Variants in OMA1 observed in about 807,000 individuals in gnomAD.
OMA1 encodes metalloendopeptidase OMA1, mitochondrial.
OMA1 carries 38 observed loss-of-function variants against 30.9 expected under a neutral mutation model. That is an observed-to-expected ratio of 1.23 (90% CI 0.95 to 1.61). OMA1 has a LOEUF of 1.61. OMA1 is among the 40% of genes most tolerant of loss of function. OMA1 has a pLI of 0.00. For missense variants in OMA1, 461 were observed against 349.2 expected (o/e 1.32, Z -2.55); for synonymous variants, 173 against 121.9 (o/e 1.42, Z -2.76).
At chr1:58,529,885 TTTTA>T (rs1271730488) in intron 6 of OMA1, among the ~76,000 whole-genome samples, 1 of 152,088 alleles carries the variant, frequency 6.6e-6, no homozygotes, top group Non-Finnish European at 1.5e-5. Flanking sequence ...TTATTTTTAT[TTTTA>T]TTTTTTTTTG....
chr1:58,529,289 A>C (rs962627074), intron 6 of OMA1, among the ~76,000 whole-genome samples: 6 of 152,220 alleles, frequency 3.9e-5, no homozygotes, highest in Non-Finnish European at 7.3e-5. Context: ...AACTCCACAA[A>C]TCATTAAATA....
chr1:58,534,724 C>A (rs2100483504), intron 3 of OMA1, among the ~76,000 whole-genome samples: 1 of 152,326 alleles, frequency 6.6e-6, no homozygotes, highest in Middle Eastern at 3.4e-3. Flanking sequence ...CACCTCAGCT[C>A]AGAAGTTCAA....
chr1:58,507,565 C>A (rs568033113), intron 7 of OMA1, among the ~76,000 whole-genome samples: 2 of 151,910 alleles, frequency 1.3e-5, no homozygotes, highest in Middle Eastern at 3.4e-3. Flanking sequence ...CACTACTGCA[C>A]AGATATGGAT....
At chr1:58,544,580 T>C (rs1481922566) in intron 1 of OMA1, among the ~76,000 whole-genome samples, 1 of 152,212 alleles carries the variant, frequency 6.6e-6, no homozygotes, top group Non-Finnish European at 1.5e-5. Flanking sequence ...CAACTATTTC[T>C]GTAATTCCCA....
At chr1:58,519,793 T>C (rs72672230) in intron 7 of OMA1, among the ~76,000 whole-genome samples, 8,608 of 151,738 alleles carry the variant, frequency 0.057, 309 homozygotes, top group Middle Eastern at 0.12. Flanking sequence ...CAAAGAAACA[T>C]ATGACAAAAT....
intron 5 of OMA1, among the ~76,000 whole-genome samples, chr1:58,533,237 A>G (rs2100479984): frequency 6.6e-6 from 1 of 152,342 alleles, no homozygotes; most frequent in South Asian, 2.1e-4. Flanking sequence ...CTATAAGAAA[A>G]GCGCTGCTAA....
chr1:58,545,830 A>C (rs1646693791), intron 1 of OMA1, among the ~76,000 whole-genome samples: 2 of 152,228 alleles, frequency 1.3e-5, no homozygotes, highest in African/African-American at 4.8e-5. Flanking sequence ...TAAAATAATC[A>C]TTCAAGCAAA....
intron 8 of OMA1, among the ~76,000 whole-genome samples, chr1:58,484,807 A>G (rs1475853310): frequency 1.3e-5 from 2 of 152,162 alleles, no homozygotes; most frequent in African/African-American, 2.4e-5. Flanking sequence ...AAAAAAGCCA[A>G]TCTGAAAAGG....
At chr1:58,515,346 T>C (rs1196002597) in intron 7 of OMA1, among the ~76,000 whole-genome samples, 1 of 152,224 alleles carries the variant, frequency 6.6e-6, no homozygotes, top group Non-Finnish European at 1.5e-5. Flanking sequence ...ATGTTGGTCA[T>C]TTAATCTTAA....
chr1:58,507,404 T>C (rs1248150151), intron 7 of OMA1, among the ~76,000 whole-genome samples: 1 of 151,948 alleles, frequency 6.6e-6, no homozygotes, highest in Non-Finnish European at 1.5e-5. Flanking sequence ...CCATGCTACA[T>C]CATTTCTTAA....
At chr1:58,494,284 C>T (rs917538277) in intron 8 of OMA1, among the ~76,000 whole-genome samples, 160 of 152,268 alleles carry the variant, frequency 1.1e-3, no homozygotes, top group African/African-American at 3.8e-3. Context: ...GGATTAAAGA[C>T]TTAAATGTTA....
chr1:58,508,987 T>G (rs1646031846), intron 7 of OMA1, among the ~76,000 whole-genome samples: 1 of 152,104 alleles, frequency 6.6e-6, no homozygotes, highest in Admixed American at 6.6e-5. Context: ...CCTAGACACC[T>G]AGGCACCACT....
intron 6 of OMA1, among the ~76,000 whole-genome samples, chr1:58,529,100 C>T (rs1000282826): frequency 6.6e-6 from 1 of 152,140 alleles, no homozygotes; most frequent in African/African-American, 2.4e-5. Flanking sequence ...TGAGATCCTA[C>T]AACCTAAGGA....
intron 7 of OMA1, among the ~76,000 whole-genome samples, chr1:58,510,735 C>A (rs541144273): frequency 3.3e-4 from 50 of 150,094 alleles, no homozygotes; most frequent in Middle Eastern, 3.4e-3. Flanking sequence ...TCCACACACA[C>A]AAAAAAAAAC....
At chr1:58,488,574 C>T (rs552932240) in intron 8 of OMA1, among the ~76,000 whole-genome samples, 26 of 152,314 alleles carry the variant, frequency 1.7e-4, no homozygotes, top group African/African-American at 6.3e-4. Flanking sequence ...GTGTCAGCCT[C>T]CTGAGTAGCT....
At chr1:58,512,382 T>C (rs1033900592) in intron 7 of OMA1, among the ~76,000 whole-genome samples, 14 of 152,182 alleles carry the variant, frequency 9.2e-5, no homozygotes, top group African/African-American at 3.4e-4. Flanking sequence ...ATCATTATGA[T>C]TCAGAAATCC....
At chr1:58,519,448 G>C (rs1557450837) in intron 7 of OMA1, among the ~76,000 whole-genome samples, 1 of 152,124 alleles carries the variant, frequency 6.6e-6, no homozygotes, top group Non-Finnish European at 1.5e-5. Context: ...GAAAGAGCTA[G>C]ATCGCTGTCC....
In OMA1 at chr1:58,534,191, A is replaced by G; in HGVS notation, c.870T>C (p.Val290=). 1 of 871,890 alleles carries G rather than the reference A, an allele frequency of 1.1e-6. No individual in the cohort carries two copies. Among genetic ancestry groups the G allele is most frequent in the South Asian group, 1.3e-5 (1 of 76,054 alleles). The allele number at this position is 871,890 out of a possible 1,614,324, so 54.0% of individuals were successfully genotyped here. ...CGAAGGCATTAATAATTGGGGAATC[A>G]ACCACATGAATAACCCAATTGATCT... The part of the protein sequence containing the change: ...ISQINWVIHV[V]DSPIINAFVL... Residue 290 remains valine, a synonymous_variant, in exon 4 of 9, where the codon GTT becomes GTC. Coordinates refer to ENST00000371226, the MANE Select transcript of OMA1 (RefSeq NM_145243.5).
chr1:58,539,203 A>T lies in OMA1; in HGVS notation c.92T>A (p.Leu31Ter), dbSNP rs375694565. 21 of 872,798 alleles carry T rather than the reference A, an allele frequency of 2.4e-5. No individual in the cohort carries two copies. Among genetic ancestry groups the T allele is most frequent in the Non-Finnish European group, 4.2e-5 (21 of 501,672 alleles). 54.1% of individuals were successfully genotyped at this position (872,798 alleles called of 1,614,324 possible). The part of the protein sequence containing the change: ...SLSNWRKCNT[L>*]ASTSRGCHQV... ...ATGACAGCCCCGTGAGGTGGATGCT[A>T]ATGTGTTACATTTTCTCCAGTTAGA... Residue 31 changes from leucine (L) to a stop codon, truncating the protein, a stop_gained, in exon 2 of 9, where the codon TTA (leucine) becomes TAA (stop). Coordinates refer to ENST00000371226, the MANE Select transcript of OMA1 (RefSeq NM_145243.5). LOFTEE classifies it high-confidence loss of function.
Sources: gnomAD v4.1 joint callset for allele counts (sites outside exome capture counted in the v4.1 genomes callset) on GRCh38, gnomAD v4.1.1 for gene constraint, MANE v1.5 for transcripts, NCBI Gene and HGNC (gene_info 2026-07-23, HGNC 2026-07-21) for gene names.